BIRC6: variants seen among roughly 807,000 people sequenced by gnomAD.
BIRC6 encodes dual E2 ubiquitin-conjugating enzyme/E3 ubiquitin-protein ligase BIRC6.
Under a neutral mutation model 503.3 loss-of-function variants are expected in BIRC6, and 98 were observed. The ratio of observed to expected loss-of-function variants is 0.19; its 90% CI spans 0.17 to 0.23. The LOEUF is 0.23. Ranked by LOEUF, BIRC6 falls within the 10% of genes least tolerant of loss-of-function variation. BIRC6 has a pLI of 1.00. For missense variants in BIRC6, 5,360 were observed against 5,806.0 expected (o/e 0.92, Z 2.50); for synonymous variants, 2,240 against 2,078.7 (o/e 1.08, Z -2.11).
chr2:32,565,564 A>G (rs2059479544), intron 65 of BIRC6: 1 of 152,214 alleles, frequency 6.6e-6, no homozygotes, highest in African/African-American at 2.4e-5. Context: ...ATAGTTACAG[A>G]TAGTACTAAC....
chr2:32,418,278 A>G (rs1054207520), intron 10 of BIRC6, among the ~76,000 whole-genome samples: 5 of 152,226 alleles, frequency 3.3e-5, no homozygotes, highest in Non-Finnish European at 7.3e-5. Context: ...TATTGGTCAT[A>G]TATGTGCCAG....
chr2:32,396,212 C>G (rs1239644520), intron 6 of BIRC6, among the ~76,000 whole-genome samples: 1 of 152,162 alleles, frequency 6.6e-6, no homozygotes, highest in South Asian at 2.1e-4. Flanking sequence ...GAAGTAGGTA[C>G]TATTGTAATC....
intron 65 of BIRC6, chr2:32,564,219 T>A (rs1328529276): frequency 1.3e-5 from 2 of 152,242 alleles, no homozygotes; most frequent in Non-Finnish European, 1.5e-5. Flanking sequence ...GTAAATTGGA[T>A]CATATAATAT....
chr2:32,387,089 T>C (rs1282197752), intron 3 of BIRC6, among the ~76,000 whole-genome samples: 1 of 152,190 alleles, frequency 6.6e-6, no homozygotes, highest in Non-Finnish European at 1.5e-5. Context: ...GTGCCATGTT[T>C]TTGTAATGCC....
intron 51 of BIRC6, 35 bp from the exon 52 acceptor site, chr2:32,509,698 GCGACT>G (rs772054750): frequency 5.0e-6 from 8 of 1,608,440 alleles, no homozygotes; most frequent in Admixed American, 1.7e-5. Flanking sequence ...AGTGATTTGA[GCGACT>G]TATATTGATC....
chr2:32,397,434 T>A (rs1463146649), intron 6 of BIRC6, among the ~76,000 whole-genome samples: 1 of 151,508 alleles, frequency 6.6e-6, no homozygotes, highest in African/African-American at 2.4e-5. Flanking sequence ...ATTGTACCAT[T>A]GCACTCAAGC....
intron 10 of BIRC6, among the ~76,000 whole-genome samples, chr2:32,424,709 C>T (rs1320157409): frequency 1.3e-5 from 2 of 152,028 alleles, no homozygotes; most frequent in Non-Finnish European, 2.9e-5. Context: ...GACACTATTT[C>T]GCCATGTTGA....
chr2:32,581,241 T>C (rs558122371), intron 66 of BIRC6, among the ~76,000 whole-genome samples: 38 of 152,332 alleles, frequency 2.5e-4, no homozygotes, highest in Non-Finnish European at 3.2e-4. Context: ...CCAGCTAAAG[T>C]TGTAGACATG....
At chr2:32,576,614 G>C (rs780520426) in intron 66 of BIRC6, among the ~76,000 whole-genome samples, 1 of 152,082 alleles carries the variant, frequency 6.6e-6, no homozygotes, top group Non-Finnish European at 1.5e-5. Context: ...TATGACTTAA[G>C]AAATAGTGTA....
rs758862356 is a variant in BIRC6 at position 32,513,146 on chromosome 2, G to T, written c.10560G>T (p.Glu3520Asp). ...EYDLPALLDQ[E>D]LFELLFNWSM... ...ACTTACCAGCACTCCTGGACCAAGAGCTCTTTGAGTAAGTATGATTTGTGA... is the reference window on the plus strand; with the variant it reads ...ACTTACCAGCACTCCTGGACCAAGATCTCTTTGAGTAAGTATGATTTGTGA... Residue 3520 changes from glutamate (E) to aspartate (D), a missense_variant, in exon 54 of 74, where the codon GAG becomes GAT. This residue lies in a region of BIRC6 where 878 missense variants were observed against 928.9 expected (regional missense o/e 0.95). Coordinates refer to ENST00000421745, the MANE Select transcript of BIRC6 (RefSeq NM_016252.4). 8.1e-6 allele frequency: 13 copies of T among 1,612,258 alleles called. No homozygotes were observed. Among genetic ancestry groups the T allele is most frequent in the Middle Eastern group, 1.7e-4 (1 of 5,816 alleles).
intron 9 of BIRC6, among the ~76,000 whole-genome samples, chr2:32,414,206 G>T (rs2042187466): frequency 6.6e-6 from 1 of 152,124 alleles, no homozygotes; most frequent in Non-Finnish European, 1.5e-5. Flanking sequence ...GAACCTGGGA[G>T]GCGGAGGTTT....
chr2:32,547,454 A>C (rs1572938420), intron 63 of BIRC6, among the ~76,000 whole-genome samples: 1 of 152,162 alleles, frequency 6.6e-6, no homozygotes. Flanking sequence ...AAATTGAATC[A>C]TGTAATGTGT....
intron 66 of BIRC6, among the ~76,000 whole-genome samples, chr2:32,583,299 A>T (rs1375486842): frequency 1.3e-5 from 2 of 152,190 alleles, no homozygotes; most frequent in African/African-American, 4.8e-5. Flanking sequence ...CTTCATAAAG[A>T]TGATGTTTTA....
At chr2:32,477,735 CAA>C (rs35168398) in intron 35 of BIRC6, among the ~76,000 whole-genome samples, 152 bp downstream of exon 35, 96 of 108,628 alleles carry the variant, frequency 8.8e-4, no homozygotes, top group African/African-American at 2.6e-3. Flanking sequence ...CCCGTCTCTA[CAA>C]AAAAAAAAAA....
intron 2 of BIRC6, chr2:32,379,004 A>G (rs141807533): frequency 6.6e-6 from 1 of 152,314 alleles, no homozygotes; most frequent in Non-Finnish European, 1.5e-5. Context: ...GTGAGATATT[A>G]TTTGTGTTCA....
intron 57 of BIRC6, chr2:32,522,132 T>TA (rs1163482518): frequency 6.6e-6 from 1 of 152,054 alleles, no homozygotes; most frequent in African/African-American, 2.4e-5. Context: ...TCTGATCTGT[T>TA]AGACGTTTTA....
intron 1 of BIRC6, among the ~76,000 whole-genome samples, chr2:32,368,637 A>G (rs2035317475): frequency 6.6e-6 from 1 of 152,100 alleles, no homozygotes; most frequent in Non-Finnish European, 1.5e-5. Flanking sequence ...TGTGTCTGGG[A>G]TAAATGAGAG....
Position 32,505,275 on chromosome 2 carries a change from G to A in BIRC6, c.9700+70G>A. ...TTTAGAAATATTTGAAAATAAAAATGTTTAGTAAGCGGAAATACACTTAGG... is the reference window on the plus strand; with the variant it reads ...TTTAGAAATATTTGAAAATAAAAATATTTAGTAAGCGGAAATACACTTAGG... On this transcript the variant is annotated intron_variant, in intron 50 of 73. Coordinates refer to ENST00000421745, the MANE Select transcript of BIRC6 (RefSeq NM_016252.4). 2 of 1,331,216 alleles carry A rather than the reference G, an allele frequency of 1.5e-6. 1 individual carries two copies. The highest frequency in any genetic ancestry group is 2.6e-5 in the South Asian group (2 of 77,636). The allele number at this position is 1,331,216 out of a possible 1,614,324, so 82.5% of individuals were successfully genotyped here.
intron 65 of BIRC6, among the ~76,000 whole-genome samples, chr2:32,568,640 T>C (rs1458001650): frequency 6.6e-6 from 1 of 151,914 alleles, no homozygotes; most frequent in Non-Finnish European, 1.5e-5. Context: ...GATCTGTAGT[T>C]CGAGACCAGC....
Sources: allele counts gnomAD v4.1 joint callset (sites outside exome capture counted in the v4.1 genomes callset), GRCh38; gene constraint gnomAD v4.1.1; regional missense constraint gnomAD v4.1.1; transcripts MANE v1.5; gene names NCBI Gene and HGNC (gene_info 2026-07-23, HGNC 2026-07-21).